The following STARD13 variants were observed in gnomAD, a reference collection of about 807,000 sequenced individuals.
The protein encoded by STARD13 is StAR related lipid transfer domain containing 13.
Under a neutral mutation model 106.4 loss-of-function variants are expected in STARD13, and 62 were observed. That is an observed-to-expected ratio of 0.58 (90% CI 0.48 to 0.72). STARD13 has a LOEUF of 0.72. Among genes scored for constraint, STARD13 ranks in the 30% least tolerant of loss-of-function variants. The probability of loss-of-function intolerance (pLI) is 0.00; values close to 1 mark genes in which losing one functional copy is unlikely to be tolerated. For missense variants in STARD13, 1,387 were observed against 1,424.0 expected, an observed-to-expected ratio of 0.97 and a Z score of 0.42; for synonymous variants, 565 against 553.0, an observed-to-expected ratio of 1.02 and a Z score of -0.31.
At chr13:33,346,604 G>T (rs2078019251), downstream of STARD13, among the ~76,000 whole-genome samples, 1 of 151,942 alleles carries the variant, frequency 6.6e-6, no homozygotes, top group Non-Finnish European at 1.5e-5. Context: ...GCAAATACAG[G>T]TTTGTTTGTT....
At chr13:33,525,832 C>T in the STARD13 span, among the ~76,000 whole-genome samples, 1 of 152,128 alleles carries the variant, frequency 6.6e-6, no homozygotes, top group African/African-American at 2.4e-5. Flanking sequence ...AATAAACCTA[C>T]TTGTACATGA....
the STARD13 span, among the ~76,000 whole-genome samples, chr13:33,674,186 T>C: frequency 1.3e-5 from 2 of 152,182 alleles, no homozygotes; most frequent in Non-Finnish European, 1.5e-5. Flanking sequence ...AATATCATAT[T>C]CCTCACTGTC....
the STARD13 span, among the ~76,000 whole-genome samples, chr13:33,627,651 A>T: frequency 0.15 from 23,071 of 151,546 alleles, 3,565 homozygotes; most frequent in African/African-American, 0.39. Flanking sequence ...AAAAAAAAAA[A>T]ATGTTCTTTT....
the STARD13 span, among the ~76,000 whole-genome samples, chr13:33,454,976 A>C: frequency 6.6e-6 from 1 of 152,252 alleles, no homozygotes; most frequent in Non-Finnish European, 1.5e-5. Flanking sequence ...GGCAGAGAAT[A>C]AAAGACATAT....
At chr13:33,624,652 C>A in the STARD13 span, among the ~76,000 whole-genome samples, 1 of 152,220 alleles carries the variant, frequency 6.6e-6, no homozygotes, top group South Asian at 2.1e-4. Flanking sequence ...TTCCTTTGAG[C>A]CTCCTAAGGC....
chr13:33,274,882 G>A (rs940422781), intron 1 of STARD13, among the ~76,000 whole-genome samples: 4 of 151,778 alleles, frequency 2.6e-5, no homozygotes, highest in South Asian at 2.1e-4. Context: ...ATTCCCACCC[G>A]CTTACCCCCA....
At chr13:33,669,747 G>A in the STARD13 span, among the ~76,000 whole-genome samples, 2 of 151,614 alleles carry the variant, frequency 1.3e-5, no homozygotes, top group African/African-American at 2.4e-5. Context: ...TTTTGGCTAG[G>A]CTGATCTTGA....
chr13:33,524,178 A>G, the STARD13 span: 2 of 959,032 alleles, frequency 2.1e-6, no homozygotes, highest in Non-Finnish European at 2.7e-6. Flanking sequence ...GGTGAATTAC[A>G]CCGTATGAAC....
the STARD13 span, among the ~76,000 whole-genome samples, chr13:33,592,371 C>G: frequency 5.3e-5 from 8 of 152,160 alleles, no homozygotes; most frequent in Non-Finnish European, 1.2e-4. Flanking sequence ...ATAGGCCCAA[C>G]AGGTTATTTC....
chr13:33,604,450 G>A, the STARD13 span, among the ~76,000 whole-genome samples: 12 of 152,246 alleles, frequency 7.9e-5, no homozygotes, highest in Non-Finnish European at 1.6e-4. Flanking sequence ...TTTATCAATA[G>A]CAAACTTCTC....
At chr13:33,629,738 CT>C in the STARD13 span, among the ~76,000 whole-genome samples, 2 of 152,146 alleles carry the variant, frequency 1.3e-5, no homozygotes, top group African/African-American at 4.8e-5. Flanking sequence ...AAAAGAAATA[CT>C]GCTGAATTTT....
At chr13:33,179,755 G>A (rs952461287) in intron 1 of STARD13, among the ~76,000 whole-genome samples, 1 of 152,184 alleles carries the variant, frequency 6.6e-6, no homozygotes, top group African/African-American at 2.4e-5. Context: ...TGCAGAACAG[G>A]ACACTATCCT....
the STARD13 span, among the ~76,000 whole-genome samples, chr13:33,635,363 T>C: frequency 6.6e-6 from 1 of 152,136 alleles, no homozygotes. Flanking sequence ...AAAATGGATA[T>C]AAAAACACTT....
the STARD13 span, among the ~76,000 whole-genome samples, chr13:33,501,565 G>A: frequency 1.3e-5 from 2 of 152,124 alleles, no homozygotes; most frequent in East Asian, 1.9e-4. Context: ...TTTTGTGTAA[G>A]GTGTAAGGAA....
chr13:33,234,220 G>C (rs1388818619), intron 1 of STARD13, among the ~76,000 whole-genome samples: 1 of 152,174 alleles, frequency 6.6e-6, no homozygotes, highest in East Asian at 1.9e-4. Flanking sequence ...CCTCGAGATG[G>C]AGAACTACTG....
chr13:33,297,452 G>A (rs79436752), intron 1 of STARD13, among the ~76,000 whole-genome samples: 836 of 152,238 alleles, frequency 5.5e-3, no homozygotes, highest in Middle Eastern at 0.014. Flanking sequence ...GGAATCTCAA[G>A]GGCTGTCCTT....
At position 33,129,319 on chromosome 13, in the gene STARD13, G is replaced by A. The variant is rs754661774; in HGVS notation, c.1358C>T (p.Ala453Val). Reference protein sequence around the residue: ...EPRLMASCHRASRVSIYDNVP... With the variant: ...EPRLMASCHRVSRVSIYDNVP... ...ATTGTCATAGATACTGACTCGGCTG[G>A]CTCTGTGGCAGGACGCCATGAGCCG... Residue 453 changes from alanine to valine, a missense_variant, in exon 5 of 14, where the codon GCC (alanine) becomes GTC (valine). Ala to Val is a moderately conservative substitution (Grantham distance 64). Coordinates refer to ENST00000336934, the MANE Select transcript of STARD13 (RefSeq NM_178006.4). 2 of 1,614,142 alleles carry A rather than the reference G, an allele frequency of 1.2e-6. No homozygotes were observed. Among genetic ancestry groups the A allele is most frequent in the South Asian group, 2.2e-5 (2 of 91,082 alleles).
chr13:33,259,995 C>CA (rs1890559444), intron 1 of STARD13, among the ~76,000 whole-genome samples: 1 of 63,590 alleles, frequency 1.6e-5, no homozygotes, highest in African/African-American at 7.9e-5. Flanking sequence ...GATTCCATCT[C>CA]CAAAAAAAAA....
At chr13:33,421,806 A>G in the STARD13 span, among the ~76,000 whole-genome samples, 1 of 152,216 alleles carries the variant, frequency 6.6e-6, no homozygotes, top group African/African-American at 2.4e-5. Context: ...CAAATCAATA[A>G]ACATAATACA....
Sources: allele counts gnomAD v4.1 joint callset (sites outside exome capture counted in the v4.1 genomes callset), GRCh38; gene constraint gnomAD v4.1.1; transcripts MANE v1.5; gene names NCBI Gene and HGNC (gene_info 2026-07-23, HGNC 2026-07-21).